NPAS3: variants seen among roughly 807,000 people sequenced by gnomAD.
NPAS3 encodes the protein neuronal PAS domain-containing protein 3.
NPAS3 carries 14 observed loss-of-function variants against 73.1 expected under a neutral mutation model. That is an observed-to-expected ratio of 0.19 (90% CI 0.13 to 0.30). The LOEUF (loss-of-function observed/expected upper bound fraction) is 0.30, where lower values mean the gene tolerates loss of function less well. Among genes scored for constraint, NPAS3 ranks in the 10% least tolerant of loss-of-function variants. The probability of loss-of-function intolerance (pLI) is 1.00; values close to 1 mark genes in which losing one functional copy is unlikely to be tolerated. For synonymous variants in NPAS3, 620 were observed against 541.5 expected (o/e 1.14, Z -2.01); for missense variants, 1,096 against 1,250.0 (o/e 0.88, Z 1.86).
intron 5 of NPAS3, among the ~76,000 whole-genome samples, chr14:33,589,791 G>T (rs1419463169): frequency 6.6e-6 from 1 of 152,186 alleles, no homozygotes; most frequent in East Asian, 1.9e-4. Context: ...CCCAAAAGTG[G>T]GAAATACATC....
At chr14:33,573,294 A>C (rs778284339) in intron 5 of NPAS3, among the ~76,000 whole-genome samples, 18 of 152,150 alleles carry the variant, frequency 1.2e-4, no homozygotes, top group Non-Finnish European at 1.8e-4. Context: ...TGTGCTGGAA[A>C]CTGAGGCTAT....
chr14:33,451,238 C>T (rs981826249), intron 4 of NPAS3, among the ~76,000 whole-genome samples: 1 of 152,186 alleles, frequency 6.6e-6, no homozygotes, highest in Non-Finnish European at 1.5e-5. Context: ...CTTATTTGCT[C>T]TGCCTGCCCC....
intron 4 of NPAS3, among the ~76,000 whole-genome samples, chr14:33,446,217 G>A (rs554691114): frequency 2.2e-4 from 31 of 140,070 alleles, no homozygotes; most frequent in African/African-American, 7.4e-4. Context: ...CGCCCAGGCC[G>A]GACTGCGGAC....
intron 5 of NPAS3, among the ~76,000 whole-genome samples, chr14:33,632,598 A>C (rs140923216): frequency 6.6e-6 from 1 of 152,226 alleles, no homozygotes; most frequent in Admixed American, 6.5e-5. Context: ...CACAGAGTCT[A>C]TGGTTTGGGC....
intron 4 of NPAS3, among the ~76,000 whole-genome samples, chr14:33,540,086 G>T (rs569629412): frequency 6.6e-6 from 1 of 152,266 alleles, no homozygotes; most frequent in East Asian, 1.9e-4. Context: ...CGACTCAGCT[G>T]TGTCCGCATC....
chr14:33,775,614 A>G (rs1282202410), intron 8 of NPAS3, among the ~76,000 whole-genome samples: 2 of 152,190 alleles, frequency 1.3e-5, no homozygotes, highest in African/African-American at 4.8e-5. Flanking sequence ...GGGAAAAGAT[A>G]ACCCACCTGA....
At chr14:33,076,840 T>C (rs1303070986) in intron 2 of NPAS3, among the ~76,000 whole-genome samples, 1 of 152,232 alleles carries the variant, frequency 6.6e-6, no homozygotes, top group African/African-American at 2.4e-5. Flanking sequence ...TGACAGAATA[T>C]TTATTTCTTT....
At chr14:33,041,385 A>G (rs955041062) in intron 1 of NPAS3, among the ~76,000 whole-genome samples, 2 of 152,214 alleles carry the variant, frequency 1.3e-5, no homozygotes, top group African/African-American at 2.4e-5. Flanking sequence ...AGAGTTTACT[A>G]AGACCAAGAA....
At chr14:33,554,303 A>C (rs921545871) in intron 4 of NPAS3, among the ~76,000 whole-genome samples, 1 of 152,198 alleles carries the variant, frequency 6.6e-6, no homozygotes, top group Non-Finnish European at 1.5e-5. Flanking sequence ...GAGTTATGTC[A>C]CAACAGTGAA....
intron 2 of NPAS3, among the ~76,000 whole-genome samples, chr14:33,067,891 CATT>C (rs1464667759): frequency 1.3e-4 from 20 of 152,208 alleles, no homozygotes. Flanking sequence ...TCATTCTTGA[CATT>C]ATCTTTTATT....
intron 1 of NPAS3, among the ~76,000 whole-genome samples, chr14:32,945,264 A>G (rs2036204554): frequency 1.3e-5 from 2 of 152,196 alleles, no homozygotes; most frequent in South Asian, 4.1e-4. Flanking sequence ...TGGAGGACAG[A>G]GAGAGAAAAG....
At position 33,380,360 on chromosome 14, in the gene NPAS3, G is replaced by T. The variant is rs1444476470; in HGVS notation, c.468+13092G>T. ...AGGGATCCTGCTTGGGGGAGGAGGG[G>T]TGCAGGGTATAGGACTCGCTACTAT... On this transcript the variant is annotated intron_variant, in intron 4 of 11. Coordinates refer to ENST00000356141, the Ensembl canonical transcript of NPAS3. 3.3e-5 allele frequency among the ~76,000 whole-genome samples: 5 copies of T among 152,168 alleles called. No individual in the cohort carries two copies. The Middle Eastern group carries it at 0.01, about 311-fold the overall frequency.
At chr14:33,721,147 G>A (rs2061097796) in intron 6 of NPAS3, among the ~76,000 whole-genome samples, 1 of 152,100 alleles carries the variant, frequency 6.6e-6, no homozygotes, top group Admixed American at 6.5e-5. Flanking sequence ...CTTTTTTAAA[G>A]TAAGTGAATT....
At chr14:33,001,665 G>T (rs2038811759) in intron 1 of NPAS3, among the ~76,000 whole-genome samples, 1 of 152,108 alleles carries the variant, frequency 6.6e-6, no homozygotes, top group South Asian at 2.1e-4. Context: ...TCTTCAGCCT[G>T]TTCTTTCTTT....
chr14:33,789,681 C>T (rs1156663020), intron 9 of NPAS3, among the ~76,000 whole-genome samples: 2 of 145,128 alleles, frequency 1.4e-5, no homozygotes, highest in South Asian at 2.3e-4. Context: ...CTCCGCCTCC[C>T]GGGTTCACGC....
chr14:33,523,113 TAGA>T (rs2053629993), intron 4 of NPAS3, among the ~76,000 whole-genome samples: 1 of 152,062 alleles, frequency 6.6e-6, no homozygotes, highest in South Asian at 2.1e-4. Context: ...TATAATCCAG[TAGA>T]AGAAATTAAA....
At chr14:32,999,477 C>T (rs1270131411) in intron 1 of NPAS3, among the ~76,000 whole-genome samples, 1 of 151,634 alleles carries the variant, frequency 6.6e-6, no homozygotes, top group Non-Finnish European at 1.5e-5. Flanking sequence ...CACCACTGCA[C>T]TCCAGCCTGG....
intron 2 of NPAS3, among the ~76,000 whole-genome samples, chr14:33,082,710 A>C (rs1566541215): frequency 6.6e-6 from 1 of 152,196 alleles, no homozygotes; most frequent in African/African-American, 2.4e-5. Context: ...CAAGTTTAGA[A>C]TCTCAGCTCT....
At chr14:33,077,266 G>C (rs2041692145) in intron 2 of NPAS3, among the ~76,000 whole-genome samples, 2 of 152,148 alleles carry the variant, frequency 1.3e-5, no homozygotes, top group Admixed American at 6.5e-5. Context: ...TTGCTGAAAG[G>C]GTGACAATGA....
Sources: gnomAD v4.1 joint callset for allele counts (sites outside exome capture counted in the v4.1 genomes callset) on GRCh38, gnomAD v4.1.1 for gene constraint, MANE v1.5 for transcripts, NCBI Gene and HGNC (gene_info 2026-07-23, HGNC 2026-07-21) for gene names.